The following KIF6 variants were observed in gnomAD, a reference collection of about 807,000 sequenced individuals.
The protein encoded by KIF6 is kinesin family member 6.
KIF6 carries 106 observed loss-of-function variants against 112.7 expected under a neutral mutation model. That is an observed-to-expected ratio of 0.94 (90% CI 0.80 to 1.11). The LOEUF (loss-of-function observed/expected upper bound fraction) is 1.11. Ranked by LOEUF, KIF6 falls within the 50% of genes least tolerant of loss-of-function variation. KIF6 has a pLI of 0.00. For synonymous variants in KIF6, 339 were observed against 339.9 expected, an observed-to-expected ratio of 1.00 and a Z score of 0.03; for missense variants, 929 against 964.0, an observed-to-expected ratio of 0.96 and a Z score of 0.48.
At chr6:39,394,536 C>T (rs2150328976) in intron 15 of KIF6, among the ~76,000 whole-genome samples, 1 of 152,304 alleles carries the variant, frequency 6.6e-6, no homozygotes, top group South Asian at 2.1e-4. Flanking sequence ...GTCCCAGAGG[C>T]AGCCCAAGAC....
intron 3 of KIF6, among the ~76,000 whole-genome samples, chr6:39,713,360 A>G (rs568991796): frequency 6.6e-6 from 1 of 152,220 alleles, no homozygotes; most frequent in African/African-American, 2.4e-5. Context: ...GACTTTGACA[A>G]AAACAATTTC....
chr6:39,348,160 T>G (rs1763950009), intron 19 of KIF6, among the ~76,000 whole-genome samples: 1 of 152,190 alleles, frequency 6.6e-6, no homozygotes, highest in Admixed American at 6.5e-5. Flanking sequence ...CGGGTCAAGG[T>G]CAGTTTGGAA....
Position 39,341,593 on chromosome 6 carries a change from G to C in KIF6, c.2428+2116C>G, listed in dbSNP as rs750536659. On this transcript the variant is annotated intron_variant, in intron 22 of 22. Transcript: ENST00000287152. ...TTTTTCTAGCTTAGACTTTCTCTCT[G>C]AGCTCCACTGATGCTCACCTGTCTA... Among the ~76,000 whole-genome samples, 118 of 152,222 alleles carry C rather than the reference G, an allele frequency of 7.8e-4. 1 individual carries two copies. The highest frequency in any genetic ancestry group is 6.0e-4 in the Non-Finnish European group (41 of 68,022).
intron 10 of KIF6, among the ~76,000 whole-genome samples, chr6:39,571,863 C>T (rs1176502025): frequency 1.3e-5 from 2 of 152,104 alleles, no homozygotes; most frequent in Non-Finnish European, 2.9e-5. Flanking sequence ...CTATTCTCTA[C>T]ACTCCTTACC....
chr6:39,665,434 ATTCTC>A (rs1391409336), intron 3 of KIF6, among the ~76,000 whole-genome samples: 5 of 152,348 alleles, frequency 3.3e-5, no homozygotes, highest in African/African-American at 1.2e-4. Flanking sequence ...ACAAATGAGA[ATTCTC>A]TAAAAGTCTC....
At chr6:39,446,589 G>C (rs755911161) in intron 13 of KIF6, among the ~76,000 whole-genome samples, 20 of 152,126 alleles carry the variant, frequency 1.3e-4, no homozygotes, top group Admixed American at 8.5e-4. Flanking sequence ...CACTTCCCAG[G>C]TTCAAGCAAT....
intron 14 of KIF6, among the ~76,000 whole-genome samples, chr6:39,422,736 G>A (rs1770464374): frequency 6.6e-6 from 1 of 152,112 alleles, no homozygotes. Flanking sequence ...GCATCTCCAC[G>A]CCTCTCCAGC....
intron 16 of KIF6, among the ~76,000 whole-genome samples, chr6:39,379,091 T>A (rs963275657): frequency 1.3e-5 from 2 of 152,256 alleles, no homozygotes; most frequent in African/African-American, 4.8e-5. Context: ...CGATAAATTC[T>A]GGCTTGTATT....
At chr6:39,410,276 C>T (rs145089639) in intron 15 of KIF6, among the ~76,000 whole-genome samples, 7 of 152,316 alleles carry the variant, frequency 4.6e-5, no homozygotes, top group South Asian at 2.1e-4. Flanking sequence ...ATTACTACTA[C>T]GATGAGATTT....
At chr6:39,589,311 CT>C (rs751052741) in intron 7 of KIF6, among the ~76,000 whole-genome samples, 3 of 152,152 alleles carry the variant, frequency 2.0e-5, no homozygotes, top group Non-Finnish European at 2.9e-5. Flanking sequence ...GCCTGTTAAT[CT>C]TTTTTTATTT....
intron 10 of KIF6, among the ~76,000 whole-genome samples, chr6:39,553,437 T>C (rs755817258): frequency 6.6e-6 from 1 of 152,150 alleles, no homozygotes; most frequent in Non-Finnish European, 1.5e-5. Flanking sequence ...ATGCGAAAAA[T>C]CAAAATTAAA....
intron 16 of KIF6, among the ~76,000 whole-genome samples, chr6:39,382,817 C>G (rs1767069899): frequency 6.6e-6 from 1 of 151,968 alleles, no homozygotes; most frequent in Non-Finnish European, 1.5e-5. Context: ...TCTGTGCAAC[C>G]TTGCCAACAT....
At chr6:39,674,283 T>A (rs2150836821) in intron 3 of KIF6, among the ~76,000 whole-genome samples, 1 of 152,324 alleles carries the variant, frequency 6.6e-6, no homozygotes, top group South Asian at 2.1e-4. Flanking sequence ...TCAACTGGTA[T>A]GTCTATGACT....
At chr6:39,543,383 T>G (rs939880646) in intron 12 of KIF6, among the ~76,000 whole-genome samples, 6 of 151,718 alleles carry the variant, frequency 4.0e-5, no homozygotes, top group Non-Finnish European at 8.8e-5. Context: ...TGTGTGTGTG[T>G]GGGTGGGGGG....
intron 21 of KIF6, among the ~76,000 whole-genome samples, chr6:39,345,427 T>C (rs1314715619): frequency 1.3e-5 from 2 of 152,232 alleles, no homozygotes; most frequent in Non-Finnish European, 2.9e-5. Flanking sequence ...CTCTTTCCCT[T>C]TCTGGCCCCC....
Position 39,385,602 on chromosome 6 carries a change from C to A in KIF6, c.1861+20G>T. 2 of 1,601,818 alleles carry A rather than the reference C, an allele frequency of 1.2e-6. No homozygotes were observed. The highest frequency in any genetic ancestry group is 2.2e-5 in the East Asian group (1 of 44,826). On this transcript the variant is annotated intron_variant, in intron 16 of 22. Transcript: ENST00000287152. ...TTATATTACCTTCATCCTCTTCCTG[C>A]AGATTCTCTTTGTACCTACCTAGGG...
At chr6:39,525,285 A>G (rs1777650314) in intron 13 of KIF6, among the ~76,000 whole-genome samples, 2 of 152,280 alleles carry the variant, frequency 1.3e-5, no homozygotes, top group South Asian at 4.2e-4. Flanking sequence ...CTGGGACCAC[A>G]GGCATGCACC....
chr6:39,587,054 C>T (rs1781676544), intron 7 of KIF6, among the ~76,000 whole-genome samples: 1 of 152,144 alleles, frequency 6.6e-6, no homozygotes, highest in Non-Finnish European at 1.5e-5. Context: ...GGGTAGTTGA[C>T]CTTGGTTCAA....
At chr6:39,584,086 G>A (rs978860438) in intron 9 of KIF6, among the ~76,000 whole-genome samples, 13 of 151,886 alleles carry the variant, frequency 8.6e-5, no homozygotes, top group Non-Finnish European at 1.9e-4. Flanking sequence ...TCTACTGAAT[G>A]GCTATTAGGA....
Sources: gnomAD v4.1 joint callset for allele counts (sites outside exome capture counted in the v4.1 genomes callset) on GRCh38, gnomAD v4.1.1 for gene constraint, MANE v1.5 for transcripts, NCBI Gene and HGNC (gene_info 2026-07-23, HGNC 2026-07-21) for gene names.